NRG1: variants seen among roughly 807,000 people sequenced by gnomAD.
NRG1 encodes the protein pro-neuregulin-1, membrane-bound isoform.
Under a neutral mutation model 63.8 loss-of-function variants are expected in NRG1, and 18 were observed. That is an observed-to-expected ratio of 0.28 (90% CI 0.19 to 0.42). NRG1 has a LOEUF of 0.42. NRG1 is among the 10% of genes least tolerant of loss of function. The probability of loss-of-function intolerance (pLI) is 1.00; values close to 1 mark genes in which losing one functional copy is unlikely to be tolerated. For synonymous variants in NRG1, 302 were observed against 301.3 expected, an observed-to-expected ratio of 1.00 and a Z score of -0.02; for missense variants, 762 against 814.7, an observed-to-expected ratio of 0.94 and a Z score of 0.79.
intron 1 of NRG1, among the ~76,000 whole-genome samples, chr8:32,414,012 G>A (rs748899584): frequency 6.6e-6 from 1 of 151,964 alleles, no homozygotes; most frequent in Non-Finnish European, 1.5e-5. Flanking sequence ...GTTGAAAGAG[G>A]GAGTTATTTA....
At chr8:31,954,532 T>G (rs907594712) in intron 1 of NRG1, among the ~76,000 whole-genome samples, 2 of 152,236 alleles carry the variant, frequency 1.3e-5, no homozygotes, top group African/African-American at 4.8e-5. Flanking sequence ...AAACCTCTCC[T>G]GCTAATTGTC....
At chr8:31,880,334 C>T (rs550361692) in intron 1 of NRG1, among the ~76,000 whole-genome samples, 1 of 152,130 alleles carries the variant, frequency 6.6e-6, no homozygotes, top group African/African-American at 2.4e-5. Flanking sequence ...GGGGCCTTCT[C>T]TAAGAAGGGT....
At chr8:31,663,765 C>A (rs1806245507) in intron 1 of NRG1, among the ~76,000 whole-genome samples, 1 of 152,116 alleles carries the variant, frequency 6.6e-6, no homozygotes, top group Non-Finnish European at 1.5e-5. Context: ...CTTTCAAGTA[C>A]TATTCTACTT....
intron 1 of NRG1, among the ~76,000 whole-genome samples, chr8:32,427,131 T>C (rs1817484881): frequency 6.6e-6 from 1 of 152,122 alleles, no homozygotes; most frequent in Non-Finnish European, 1.5e-5. Context: ...GTCATCAGAA[T>C]GCACCCATCT....
At chr8:32,100,014 G>A (rs1332929476) in intron 1 of NRG1, among the ~76,000 whole-genome samples, 4 of 152,092 alleles carry the variant, frequency 2.6e-5, no homozygotes, top group Non-Finnish European at 2.9e-5. Flanking sequence ...TGGGGGTGAC[G>A]AGGTTGAGTC....
chr8:31,993,753 A>G (rs1811466745), intron 1 of NRG1, among the ~76,000 whole-genome samples: 1 of 151,988 alleles, frequency 6.6e-6, no homozygotes, highest in Non-Finnish European at 1.5e-5. Context: ...TGGGCTAAGG[A>G]CTTTACCTCT....
intron 1 of NRG1, among the ~76,000 whole-genome samples, chr8:31,901,164 G>C (rs776573132): frequency 6.6e-6 from 1 of 152,064 alleles, no homozygotes; most frequent in Non-Finnish European, 1.5e-5. Context: ...TTCGAATTTT[G>C]GGGTTTGTAA....
upstream of NRG1, among the ~76,000 whole-genome samples, chr8:32,543,453 TTCTTA>T (rs1412116292): frequency 6.6e-6 from 1 of 152,148 alleles, no homozygotes; most frequent in Non-Finnish European, 1.5e-5. Context: ...GATGGTATTC[TTCTTA>T]TAAGAAATTC....
At chr8:32,182,234 C>T (rs1419511405) in intron 1 of NRG1, among the ~76,000 whole-genome samples, 1 of 151,900 alleles carries the variant, frequency 6.6e-6, no homozygotes. Flanking sequence ...AGAACTGGAA[C>T]CTGTGGAAAA....
At chr8:31,723,436 T>C (rs1813118588) in intron 1 of NRG1, among the ~76,000 whole-genome samples, 1 of 152,128 alleles carries the variant, frequency 6.6e-6, no homozygotes. Context: ...TCCTCTCACT[T>C]TTTAACCTCT....
intron 5 of NRG1, among the ~76,000 whole-genome samples, chr8:32,720,327 A>T (rs142230028): frequency 1.3e-4 from 20 of 152,254 alleles, no homozygotes; most frequent in Non-Finnish European, 2.5e-4. Context: ...GAAAATGCAG[A>T]GTATAGTAAA....
At chr8:32,176,156 G>T (rs1319365771) in intron 1 of NRG1, among the ~76,000 whole-genome samples, 1 of 152,076 alleles carries the variant, frequency 6.6e-6, no homozygotes, top group African/African-American at 2.4e-5. Context: ...CAGAACAGAG[G>T]CCTCAGAAAT....
At chr8:32,486,432 C>A (rs1021870233) in intron 1 of NRG1, among the ~76,000 whole-genome samples, 3 of 152,052 alleles carry the variant, frequency 2.0e-5, no homozygotes, top group African/African-American at 7.2e-5. Flanking sequence ...GTTGTTAGGA[C>A]ACAGGAATAT....
intron 1 of NRG1, among the ~76,000 whole-genome samples, chr8:31,699,101 A>G (rs567827339): frequency 6.6e-6 from 1 of 152,258 alleles, no homozygotes; most frequent in East Asian, 1.9e-4. Context: ...AGAGTTACTT[A>G]TTATGTGTTT....
intron 1 of NRG1, among the ~76,000 whole-genome samples, chr8:32,009,627 G>A (rs182842107): frequency 6.6e-6 from 1 of 152,138 alleles, no homozygotes; most frequent in East Asian, 1.9e-4. Flanking sequence ...CATTGACATA[G>A]TGACCTTTGA....
chr8:31,798,582 G>A (rs1821458509), intron 1 of NRG1, among the ~76,000 whole-genome samples: 1 of 152,084 alleles, frequency 6.6e-6, no homozygotes. Flanking sequence ...ATTTGCTTAG[G>A]AATCAGTGCC....
At chr8:32,263,550 C>A (rs1850609059) in intron 1 of NRG1, among the ~76,000 whole-genome samples, 1 of 152,152 alleles carries the variant, frequency 6.6e-6, no homozygotes, top group South Asian at 2.1e-4. Flanking sequence ...GCTTTGTCTT[C>A]TTCCTCGATA....
chr8:32,567,903 G>A (rs904217687), intron 1 of NRG1, among the ~76,000 whole-genome samples: 1 of 152,224 alleles, frequency 6.6e-6, no homozygotes, highest in Non-Finnish European at 1.5e-5. Flanking sequence ...GGGCAGAGAA[G>A]TAGATGTGAT....
chr8:32,486,534 C>T (rs1825923495), intron 1 of NRG1, among the ~76,000 whole-genome samples: 1 of 152,016 alleles, frequency 6.6e-6, no homozygotes, highest in Admixed American at 6.6e-5. Flanking sequence ...ATTATTTTCA[C>T]TCTTTGCTAC....
Sources: allele counts gnomAD v4.1 joint callset (sites outside exome capture counted in the v4.1 genomes callset), GRCh38; gene constraint gnomAD v4.1.1; transcripts MANE v1.5; gene names NCBI Gene and HGNC (gene_info 2026-07-23, HGNC 2026-07-21).